The following NUBPL variants were observed in gnomAD, a reference collection of about 807,000 sequenced individuals.
The protein encoded by NUBPL is iron-sulfur cluster transfer protein NUBPL.
Under a neutral mutation model 45.7 loss-of-function variants are expected in NUBPL, and 31 were observed. That is an observed-to-expected ratio of 0.68 (90% CI 0.51 to 0.92). NUBPL has a LOEUF of 0.92. NUBPL is among the 40% of genes least tolerant of loss of function. The pLI is 0.00. For synonymous variants in NUBPL, 144 were observed against 140.9 expected, an observed-to-expected ratio of 1.02 and a Z score of -0.15; for missense variants, 401 against 398.7, an observed-to-expected ratio of 1.01 and a Z score of -0.05.
intron 4 of NUBPL, among the ~76,000 whole-genome samples, chr14:31,605,502 T>C (rs920164075): frequency 4.6e-5 from 7 of 152,224 alleles, no homozygotes; most frequent in African/African-American, 1.7e-4. Context: ...GATCCCCTTG[T>C]CTTTTCTATT....
At chr14:31,830,452 T>C (rs2040171217) in intron 8 of NUBPL, among the ~76,000 whole-genome samples, 1 of 152,204 alleles carries the variant, frequency 6.6e-6, no homozygotes, top group Non-Finnish European at 1.5e-5. Context: ...CCATGATTAT[T>C]TTTTTCATGC....
chr14:31,616,621 A>G (rs1216195220), intron 4 of NUBPL, among the ~76,000 whole-genome samples: 1 of 152,018 alleles, frequency 6.6e-6, no homozygotes, highest in African/African-American at 2.4e-5. Flanking sequence ...GTTTTGTTCC[A>G]GTGGTGTATA....
chr14:31,815,020 GCT>G (rs1018481798), intron 7 of NUBPL, among the ~76,000 whole-genome samples: 2 of 152,266 alleles, frequency 1.3e-5, no homozygotes, highest in African/African-American at 4.8e-5. Flanking sequence ...GGCTATATGG[GCT>G]CTTTTTTGAT....
At chr14:31,731,836 A>G (rs2038054262) in intron 6 of NUBPL, among the ~76,000 whole-genome samples, 1 of 152,144 alleles carries the variant, frequency 6.6e-6, no homozygotes, top group Admixed American at 6.5e-5. Context: ...ACTTGGTCAA[A>G]TGTATAACAT....
chr14:31,564,307 C>G (rs935166109), intron 2 of NUBPL, among the ~76,000 whole-genome samples: 4 of 152,074 alleles, frequency 2.6e-5, no homozygotes, highest in Non-Finnish European at 5.9e-5. Flanking sequence ...TTTTCCCTTC[C>G]CTCTGTGCAC....
chr14:31,765,013 G>T (rs950713743), intron 6 of NUBPL, among the ~76,000 whole-genome samples: 2 of 151,914 alleles, frequency 1.3e-5, no homozygotes, highest in Admixed American at 1.3e-4. Flanking sequence ...GCATTATTTA[G>T]TTCTCACTAG....
chr14:31,578,187 T>G (rs939296979), intron 3 of NUBPL, among the ~76,000 whole-genome samples: 5 of 152,214 alleles, frequency 3.3e-5, no homozygotes, highest in African/African-American at 9.6e-5. Flanking sequence ...ATCTTGTGCT[T>G]CAACATTTTT....
intron 8 of NUBPL, among the ~76,000 whole-genome samples, chr14:31,838,705 G>T (rs758292089): frequency 6.6e-6 from 1 of 152,104 alleles, no homozygotes; most frequent in East Asian, 1.9e-4. Flanking sequence ...GTGTGTTCCT[G>T]ATATACTTTG....
intron 8 of NUBPL, among the ~76,000 whole-genome samples, chr14:31,841,691 A>G (rs1007437784): frequency 6.6e-6 from 1 of 152,142 alleles, no homozygotes; most frequent in African/African-American, 2.4e-5. Flanking sequence ...CCTGCTAGAA[A>G]AATCTCTGCC....
intron 6 of NUBPL, among the ~76,000 whole-genome samples, chr14:31,716,944 C>T (rs567325806): frequency 6.6e-6 from 1 of 152,298 alleles, no homozygotes; most frequent in South Asian, 2.1e-4. Context: ...TCCTTCCCTA[C>T]AATGTCCACC....
chr14:31,811,091 A>G (rs1348439653), intron 7 of NUBPL, among the ~76,000 whole-genome samples: 1 of 151,718 alleles, frequency 6.6e-6, no homozygotes, highest in Non-Finnish European at 1.5e-5. Context: ...TGATAATTAT[A>G]TGTCTTGGGG....
intron 4 of NUBPL, among the ~76,000 whole-genome samples, chr14:31,668,165 G>A (rs551748364): frequency 3.3e-5 from 5 of 152,204 alleles, no homozygotes; most frequent in Non-Finnish European, 5.9e-5. Context: ...CCACAGCTGC[G>A]CCTTCCTCCA....
chr14:31,588,035 T>C (rs558944199), intron 3 of NUBPL, among the ~76,000 whole-genome samples: 8 of 152,216 alleles, frequency 5.3e-5, no homozygotes, highest in African/African-American at 1.9e-4. Context: ...GATGCTAACA[T>C]TGAGTACATA....
At chr14:31,607,528 AC>A (rs1369367153) in intron 4 of NUBPL, among the ~76,000 whole-genome samples, 46 of 152,134 alleles carry the variant, frequency 3.0e-4, no homozygotes, top group Admixed American at 3.0e-3. Flanking sequence ...GATAAATTTA[AC>A]AAAGAGATTG....
intron 7 of NUBPL, among the ~76,000 whole-genome samples, chr14:31,820,703 A>G (rs1396006004): frequency 6.6e-6 from 1 of 151,868 alleles, no homozygotes; most frequent in Non-Finnish European, 1.5e-5. Context: ...GGGCGCCTGT[A>G]ATCCCAGCTA....
At chr14:31,620,437 T>C (rs1204283404) in intron 4 of NUBPL, among the ~76,000 whole-genome samples, 1 of 152,196 alleles carries the variant, frequency 6.6e-6, no homozygotes, top group Non-Finnish European at 1.5e-5. Flanking sequence ...TTGTCTTTTA[T>C]GTTAGTGTCC....
intron 4 of NUBPL, among the ~76,000 whole-genome samples, chr14:31,607,093 C>G (rs534914425): frequency 6.6e-6 from 1 of 152,180 alleles, no homozygotes; most frequent in Admixed American, 6.5e-5. Flanking sequence ...AGAAACTTAA[C>G]TAGCTGGCTG....
intron 6 of NUBPL, among the ~76,000 whole-genome samples, chr14:31,735,916 T>A (rs1296081644): frequency 6.6e-6 from 1 of 152,162 alleles, no homozygotes; most frequent in Non-Finnish European, 1.5e-5. Flanking sequence ...TTGTTTGTCA[T>A]TTGTATGATA....
At chr14:31,782,210 G>T (rs1450754410) in intron 6 of NUBPL, among the ~76,000 whole-genome samples, 1 of 152,004 alleles carries the variant, frequency 6.6e-6, no homozygotes, top group Admixed American at 6.6e-5. Flanking sequence ...ACCTGAGCAA[G>T]ATGGTGAATC....
Sources: allele counts gnomAD v4.1 joint callset (sites outside exome capture counted in the v4.1 genomes callset), GRCh38; gene constraint gnomAD v4.1.1; transcripts MANE v1.5; gene names NCBI Gene and HGNC (gene_info 2026-07-23, HGNC 2026-07-21).